Variants in PALM2AKAP2 observed in about 807,000 individuals in gnomAD.
PALM2AKAP2 encodes the protein PALM2 and AKAP2 fusion, also known as PALM2-AKAP2 fusion protein.
In PALM2AKAP2, 37 loss-of-function variants were observed where a neutral mutation model predicts 71.5. The ratio of observed to expected loss-of-function variants is 0.52; its 90% confidence interval spans 0.40 to 0.68. The LOEUF (loss-of-function observed/expected upper bound fraction) is 0.68, where lower values mean the gene tolerates loss of function less well. Among genes scored for constraint, PALM2AKAP2 ranks in the 30% least tolerant of loss-of-function variants. The pLI, the probability that PALM2AKAP2 is intolerant of heterozygous loss-of-function variation, is 0.00. For missense variants in PALM2AKAP2, 1,224 were observed against 1,191.8 expected, an observed-to-expected ratio of 1.03 and a Z score of -0.40; for synonymous variants, 468 against 478.8, an observed-to-expected ratio of 0.98 and a Z score of 0.29.
chr9:110,048,521 G>T (rs1312686804), upstream of PALM2AKAP2: 3 of 595,218 alleles, frequency 5.0e-6, no homozygotes, highest in Non-Finnish European at 8.4e-6. Context: ...CATCGATTCC[G>T]CCGAAGCCAC....
chr9:109,755,768 A>G (rs987277841), intron 1 of PALM2AKAP2, among the ~76,000 whole-genome samples: 10 of 152,136 alleles, frequency 6.6e-5, no homozygotes, highest in African/African-American at 2.4e-4. Context: ...GTAACATTAA[A>G]TATTTATTTA....
At chr9:109,765,314 G>C (rs6477724) in intron 1 of PALM2AKAP2, 78,673 of 152,066 alleles carry the variant, frequency 0.52, 22,313 homozygotes, top group African/African-American at 0.75. Context: ...AATTTTTCAT[G>C]TCTTAAGTGG....
chr9:109,746,103 G>A lies in PALM2AKAP2; in HGVS notation c.6-34385G>A, dbSNP rs138481428. On this transcript the variant is annotated intron_variant, in intron 1 of 6. Transcript: ENST00000374531. ...GGAGGAACACTTCAGACTGCTTAAC[G>A]ACTTGCTCGGGCCTTGCCTTATATG... Among the ~76,000 whole-genome samples the A allele has an allele frequency of 2.5e-3, 383 of 152,306 alleles. 1 individual carries two copies. The highest frequency in any genetic ancestry group is 7.6e-3 in the African/African-American group (318 of 41,574).
chr9:109,807,669 G>A (rs1046526717), intron 1 of PALM2AKAP2, among the ~76,000 whole-genome samples: 2 of 151,744 alleles, frequency 1.3e-5, no homozygotes, highest in South Asian at 4.2e-4. Context: ...CACTAGCAAT[G>A]ACATGGAGGG....
intron 1 of PALM2AKAP2, among the ~76,000 whole-genome samples, chr9:109,844,965 GCA>G (rs1204629193): frequency 6.7e-6 from 1 of 148,924 alleles, no homozygotes; most frequent in East Asian, 1.9e-4. Context: ...GTGTGCATGT[GCA>G]CACACGCATG....
intron 2 of PALM2AKAP2, among the ~76,000 whole-genome samples, chr9:110,156,090 A>G (rs1836447997): frequency 6.6e-6 from 1 of 152,122 alleles, no homozygotes; most frequent in Non-Finnish European, 1.5e-5. Context: ...TGCCTGTTTG[A>G]TCTAACTGAC....
chr9:109,774,941 G>A (rs1368639110), intron 1 of PALM2AKAP2, among the ~76,000 whole-genome samples: 1 of 152,132 alleles, frequency 6.6e-6, no homozygotes, highest in Non-Finnish European at 1.5e-5. Flanking sequence ...CAAAACTTTT[G>A]TCATTAACAG....
At chr9:110,119,173 T>G (rs1835428328) in intron 1 of PALM2AKAP2, among the ~76,000 whole-genome samples, 1 of 151,504 alleles carries the variant, frequency 6.6e-6, no homozygotes. Context: ...TAAAAATCCG[T>G]CTCTACTAAA....
At chr9:109,960,779 T>C (rs1003401280) in intron 6 of PALM2AKAP2, among the ~76,000 whole-genome samples, 2 of 152,138 alleles carry the variant, frequency 1.3e-5, no homozygotes, top group African/African-American at 4.8e-5. Context: ...TAGCCATGGG[T>C]CTTCTCTTAC....
chr9:109,998,887 A>C (rs886785701), intron 6 of PALM2AKAP2, among the ~76,000 whole-genome samples: 1 of 151,906 alleles, frequency 6.6e-6, no homozygotes, highest in Non-Finnish European at 1.5e-5. Context: ...TTTGTAGAGG[A>C]GGCTTCTGCC....
At chr9:109,742,205 C>A (rs900276285) in intron 1 of PALM2AKAP2, among the ~76,000 whole-genome samples, 3 of 151,288 alleles carry the variant, frequency 2.0e-5, no homozygotes, top group Admixed American at 2.0e-4. Context: ...CTGTGATGTA[C>A]TCACATGTAT....
intron 1 of PALM2AKAP2, among the ~76,000 whole-genome samples, chr9:109,722,047 G>C (rs1050373828): frequency 1.3e-5 from 2 of 152,108 alleles, no homozygotes; most frequent in African/African-American, 4.8e-5. Context: ...TACCAATAGA[G>C]TCATACATGC....
intron 1 of PALM2AKAP2, among the ~76,000 whole-genome samples, chr9:109,817,835 G>T (rs1396813006): frequency 6.6e-6 from 1 of 152,172 alleles, no homozygotes; most frequent in African/African-American, 2.4e-5. Flanking sequence ...GATTTAGGTT[G>T]TTAGTGGAAA....
chr9:110,142,315 C>A (rs549148875), intron 2 of PALM2AKAP2, among the ~76,000 whole-genome samples: 8 of 152,218 alleles, frequency 5.3e-5, no homozygotes, highest in African/African-American at 1.9e-4. Context: ...TCTCCAACTC[C>A]TGATCCGCCT....
intron 1 of PALM2AKAP2, among the ~76,000 whole-genome samples, chr9:109,848,560 T>C (rs1354027686): frequency 6.6e-6 from 1 of 152,124 alleles, no homozygotes; most frequent in Non-Finnish European, 1.5e-5. Flanking sequence ...AAGTAGTCAG[T>C]TCTTGGTGCT....
chr9:109,712,695 G>A (rs1238930026), intron 1 of PALM2AKAP2, among the ~76,000 whole-genome samples: 4 of 152,218 alleles, frequency 2.6e-5, no homozygotes, highest in African/African-American at 4.8e-5. Context: ...ACAGAGGCTT[G>A]GAGTTACAGA....
At chr9:109,751,026 T>G (rs1346309188) in intron 1 of PALM2AKAP2, among the ~76,000 whole-genome samples, 2 of 152,288 alleles carry the variant, frequency 1.3e-5, no homozygotes, top group East Asian at 3.9e-4. Flanking sequence ...CTAAGCAAAC[T>G]GTACAATCTA....
At chr9:110,152,160 C>T (rs1836331452) in intron 2 of PALM2AKAP2, among the ~76,000 whole-genome samples, 1 of 152,080 alleles carries the variant, frequency 6.6e-6, no homozygotes, top group African/African-American at 2.4e-5. Context: ...TCGCTTGAAC[C>T]TGGGAGGCAG....
chr9:109,825,062 A>G (rs1223098107), intron 1 of PALM2AKAP2, among the ~76,000 whole-genome samples: 1 of 152,236 alleles, frequency 6.6e-6, no homozygotes, highest in African/African-American at 2.4e-5. Context: ...CACATTTCCA[A>G]AGAATTTACG....
Sources: allele counts gnomAD v4.1 joint callset (sites outside exome capture counted in the v4.1 genomes callset), GRCh38; gene constraint gnomAD v4.1.1; transcripts MANE v1.5; gene names NCBI Gene and HGNC (gene_info 2026-07-23, HGNC 2026-07-21).